The following KCNH1 variants were observed in gnomAD, a reference collection of about 807,000 sequenced individuals.
KCNH1 encodes the protein voltage-gated delayed rectifier potassium channel KCNH1.
A neutral mutation model predicts 69.2 loss-of-function variants in KCNH1; 27 were observed. The ratio of observed to expected loss-of-function variants is 0.39; its 90% confidence interval spans 0.29 to 0.54. KCNH1 has a LOEUF of 0.54. Ranked by LOEUF, KCNH1 falls within the 20% of genes least tolerant of loss-of-function variation. KCNH1 has a pLI of 0.68. For synonymous variants in KCNH1, 456 were observed against 487.7 expected, an observed-to-expected ratio of 0.93 and a Z score of 0.86; for missense variants, 798 against 1,261.6, an observed-to-expected ratio of 0.63 and a Z score of 5.57.
At chr1:210,994,390 G>A (rs1319084018) in intron 6 of KCNH1, among the ~76,000 whole-genome samples, 2 of 152,124 alleles carry the variant, frequency 1.3e-5, no homozygotes, top group East Asian at 3.9e-4. Flanking sequence ...TAGTCAAATT[G>A]AGTTGAGTCA....
intron 6 of KCNH1, among the ~76,000 whole-genome samples, chr1:210,922,110 G>A (rs558332174): frequency 4.0e-5 from 6 of 151,858 alleles, no homozygotes; most frequent in Admixed American, 1.3e-4. Context: ...GGCCAGGCGC[G>A]GTGGCTCATG....
intron 10 of KCNH1, among the ~76,000 whole-genome samples, chr1:210,704,720 A>C (rs1294115619): frequency 6.6e-6 from 1 of 152,228 alleles, no homozygotes; most frequent in Non-Finnish European, 1.5e-5. Context: ...TTAAAAGTCC[A>C]TATATACCTC....
Position 211,095,691 on chromosome 1 carries a change from T to C in KCNH1, c.311-5001A>G, listed in dbSNP as rs189573317. 1.1e-4 allele frequency among the ~76,000 whole-genome samples: 17 copies of C among 152,314 alleles called. No homozygotes were observed. In the East Asian group the frequency reaches 2.3e-3, roughly 21 times the overall value. On this transcript the variant is annotated intron_variant, in intron 3 of 10. Transcript: ENST00000271751. ...AATGGAACAGACCAAGCCACTGTGA[T>C]TGGCTTTTGGGAAGGGTTGACCTCT...
At chr1:211,126,921 C>T (rs569390449) in intron 1 of KCNH1, among the ~76,000 whole-genome samples, 5 of 151,952 alleles carry the variant, frequency 3.3e-5, no homozygotes, top group African/African-American at 7.2e-5. Flanking sequence ...AATTCACTTA[C>T]GGGATCTGGT....
At chr1:210,822,630 T>C (rs1277823788) in intron 7 of KCNH1, among the ~76,000 whole-genome samples, 2 of 152,144 alleles carry the variant, frequency 1.3e-5, no homozygotes, top group Admixed American at 6.6e-5. Flanking sequence ...TATTTTGCAC[T>C]GGGTTTCACA....
In KCNH1 at chr1:210,683,217, TA is replaced by T; in HGVS notation, c.*63del. ...TTGTTGGTCATGTGGACATATGTGG[TA>T]GGGGTGGTGGTGACGGCAGGGTTGG... On this transcript the variant is annotated 3_prime_UTR_variant, in exon 11 of 11. Transcript: ENST00000271751. The surrounding 1 kb of genome is among the most constrained non-coding windows in gnomAD (Gnocchi z 5.7). 1.4e-5 allele frequency: 20 copies of T among 1,476,350 alleles called. No homozygotes were observed. In the South Asian group the frequency reaches 2.4e-4, roughly 18 times the overall value. The allele number at this position is 1,476,350 out of a possible 1,614,324, so 91.5% of individuals were successfully genotyped here. A position where few individuals can be genotyped will look rare whatever the true frequency, so the allele number is the denominator to read the frequency against.
rs116520616 is a variant in KCNH1 at position 210,912,965 on chromosome 1, T to C, written c.1462+6675A>G. Among the ~76,000 whole-genome samples the C allele has an allele frequency of 5.6e-3, 848 of 152,202 alleles. 11 individuals are homozygous for C. Among genetic ancestry groups the C allele is most frequent in the African/African-American group, 0.02 (810 of 41,510 alleles). ...TCACAAGAATGTTCACAGAGCAGTA[T>C]AAAGTGAATCCAAGTGAATAAACCC... On this transcript the variant is annotated intron_variant, in intron 7 of 10. Transcript: ENST00000271751.
At chr1:211,002,747 G>A (rs1689212355) in intron 6 of KCNH1, among the ~76,000 whole-genome samples, 1 of 152,102 alleles carries the variant, frequency 6.6e-6, no homozygotes, top group South Asian at 2.1e-4. Flanking sequence ...TGGGAGATGA[G>A]TCAGAAAAAA....
chr1:210,839,257 C>T (rs1008611549), intron 7 of KCNH1, among the ~76,000 whole-genome samples: 2 of 152,302 alleles, frequency 1.3e-5, no homozygotes, highest in Admixed American at 6.5e-5. Context: ...GTGTCCTTTG[C>T]AGGGACATGG....
Position 210,919,534 on chromosome 1 carries a change from T to C in KCNH1, c.1462+106A>G. The C allele has an allele frequency of 9.0e-7, 1 of 1,109,480 alleles. No individual in the cohort carries two copies. The highest frequency in any genetic ancestry group is 1.5e-5 in the South Asian group (1 of 66,954). The allele number at this position is 1,109,480 out of a possible 1,614,324, so 68.7% of individuals were successfully genotyped here. A position where few individuals can be genotyped will look rare whatever the true frequency, so the allele number is the denominator to read the frequency against. On this transcript the variant is annotated intron_variant, in intron 7 of 10. Transcript: ENST00000271751. The surrounding 1 kb of genome is among the most constrained non-coding windows in gnomAD (Gnocchi z 4.2). ...AGCCTAGTCTTAAAAAAACTCTTCCTTGTTTTAAGTTATTATTCTCCTGAT... is the reference window on the plus strand; with the variant it reads ...AGCCTAGTCTTAAAAAAACTCTTCCCTGTTTTAAGTTATTATTCTCCTGAT...
At chr1:211,018,403 A>G (rs1247081945) in intron 6 of KCNH1, among the ~76,000 whole-genome samples, 2 of 152,282 alleles carry the variant, frequency 1.3e-5, no homozygotes, top group Non-Finnish European at 2.9e-5. Context: ...AAAAGTCAGC[A>G]GCAGATAAAA....
intron 10 of KCNH1, among the ~76,000 whole-genome samples, chr1:210,711,059 C>T (rs1165350518): frequency 4.6e-5 from 7 of 152,246 alleles, no homozygotes; most frequent in Non-Finnish European, 7.3e-5. Flanking sequence ...CCACTGTGAA[C>T]TGGCTCTCTG....
intron 10 of KCNH1, among the ~76,000 whole-genome samples, chr1:210,746,149 G>A (rs1241779757): frequency 6.6e-6 from 1 of 152,142 alleles, no homozygotes; most frequent in South Asian, 2.1e-4. Context: ...GAACTGTCAT[G>A]GTGGCCAGCT....
intron 7 of KCNH1, among the ~76,000 whole-genome samples, chr1:210,894,996 A>C (rs2102527650): frequency 6.6e-6 from 1 of 152,292 alleles, no homozygotes; most frequent in African/African-American, 2.4e-5. Context: ...TGAGTTCTCC[A>C]ACCAGGTTGC....
intron 10 of KCNH1, among the ~76,000 whole-genome samples, chr1:210,721,182 G>C (rs1682445575): frequency 6.6e-6 from 1 of 151,990 alleles, no homozygotes; most frequent in Admixed American, 6.6e-5. Flanking sequence ...CTGTATCTAG[G>C]AGCCCTTCCA....
At chr1:210,930,991 C>T (rs570865160) in intron 6 of KCNH1, among the ~76,000 whole-genome samples, 72 of 152,042 alleles carry the variant, frequency 4.7e-4, no homozygotes, top group Non-Finnish European at 8.8e-4. Flanking sequence ...ACAAGAATGG[C>T]CATAATCAAA....
chr1:211,011,686 T>G (rs900581483), intron 6 of KCNH1, among the ~76,000 whole-genome samples: 4 of 152,176 alleles, frequency 2.6e-5, no homozygotes, highest in Non-Finnish European at 5.9e-5. Flanking sequence ...CAGGATCGAC[T>G]TCCTGCTGTT....
intron 5 of KCNH1, among the ~76,000 whole-genome samples, chr1:211,042,149 T>G (rs189179408): frequency 6.6e-6 from 1 of 152,162 alleles, no homozygotes; most frequent in African/African-American, 2.4e-5. Context: ...TCTTCTCAAC[T>G]TTTAGGTCTC....
intron 5 of KCNH1, among the ~76,000 whole-genome samples, chr1:211,029,272 G>C (rs545754231): frequency 7.4e-6 from 1 of 134,332 alleles, no homozygotes; most frequent in African/African-American, 2.9e-5. Flanking sequence ...GTTCGAGGCT[G>C]CAGTGAGCTA....
Sources: gnomAD v4.1 joint callset for allele counts (sites outside exome capture counted in the v4.1 genomes callset) on GRCh38, gnomAD v4.1.1 for gene constraint, Gnocchi (gnomAD v3.1) non-coding constraint, MANE v1.5 for transcripts, NCBI Gene and HGNC (gene_info 2026-07-23, HGNC 2026-07-21) for gene names.